The following SLF2 variants were observed in gnomAD, a reference collection of about 807,000 sequenced individuals.
SLF2 encodes SMC5-SMC6 complex localization factor protein 2.
SLF2 carries 68 observed loss-of-function variants against 124.3 expected under a neutral mutation model. That is an observed-to-expected ratio of 0.55 (90% CI 0.45 to 0.67). The LOEUF (loss-of-function observed/expected upper bound fraction) is 0.67, where lower values mean the gene tolerates loss of function less well. SLF2 is among the 30% of genes least tolerant of loss of function. The probability of loss-of-function intolerance (pLI) is 0.00; values close to 1 mark genes in which losing one functional copy is unlikely to be tolerated. For synonymous variants in SLF2, 480 were observed against 478.8 expected (o/e 1.00, Z -0.03); for missense variants, 1,246 against 1,373.7 (o/e 0.91, Z 1.47).
chr10:100,932,956 C>G (rs1191909314), intron 9 of SLF2, among the ~76,000 whole-genome samples: 1 of 152,164 alleles, frequency 6.6e-6, no homozygotes, highest in African/African-American at 2.4e-5. Flanking sequence ...TACGTGGACA[C>G]ATGCTCCAGA....
rs571910140 is a variant in SLF2, at chr10:100,931,076, C to G, written c.2434C>G (p.Arg812Gly). 1 of 1,609,560 alleles carries G rather than the reference C, an allele frequency of 6.2e-7. No homozygotes were observed. Among genetic ancestry groups the G allele is most frequent in the African/African-American group, 1.3e-5 (1 of 74,848 alleles). ...TGTCCCTGTGTTAAAGTGGCTGTTT[C>G]GGGTAAGAGGAATGTTTAGAGGGTT... ...CPVPVLKWLF[R>G]MMSVHTDCIV... Residue 812 changes from arginine (R) to glycine (G), a missense_variant and splice_region_variant, in exon 9 of 20, where the codon CGG becomes GGG. By Grantham distance (125) the Arg-to-Gly change is moderately radical. Coordinates refer to ENST00000238961, the MANE Select transcript of SLF2 (RefSeq NM_018121.4).
chr10:100,927,799 A>G (rs1481623102), intron 6 of SLF2, among the ~76,000 whole-genome samples: 3 of 152,034 alleles, frequency 2.0e-5, no homozygotes, highest in Non-Finnish European at 2.9e-5. Flanking sequence ...TCCTAACAGT[A>G]AAGTGGTATC....
At chr10:100,958,512 T>G (rs1198332498) in intron 18 of SLF2, among the ~76,000 whole-genome samples, 2 of 152,224 alleles carry the variant, frequency 1.3e-5, no homozygotes, top group Non-Finnish European at 2.9e-5. Flanking sequence ...GTTTTATGTT[T>G]CTTAAAGACA....
At chr10:100,918,053 T>G (rs1057385084) in intron 3 of SLF2, among the ~76,000 whole-genome samples, 1 of 152,208 alleles carries the variant, frequency 6.6e-6, no homozygotes, top group Admixed American at 6.5e-5. Context: ...ACCATTGCAC[T>G]CCAGCCTGGG....
At chr10:100,930,593 TCTC>T (rs1014732791) in intron 8 of SLF2, among the ~76,000 whole-genome samples, 15 of 152,192 alleles carry the variant, frequency 9.9e-5, no homozygotes, top group African/African-American at 3.4e-4. Context: ...CAACTAGTAA[TCTC>T]CACCACAGTG....
chr10:100,938,960 T>A (rs1209979849), intron 11 of SLF2, among the ~76,000 whole-genome samples: 1 of 152,198 alleles, frequency 6.6e-6, no homozygotes, highest in African/African-American at 2.4e-5. Context: ...TTTTCTTTTT[T>A]AAAAGACTTT....
At chr10:100,913,613 T>G (rs1225906799) in intron 1 of SLF2, 3 of 1,118,444 alleles carry the variant, frequency 2.7e-6, no homozygotes, top group Non-Finnish European at 3.3e-6. Flanking sequence ...ATCCTAGTGG[T>G]TTAGTAATAT....
At chr10:100,950,606 A>T (rs1850192835) in intron 16 of SLF2, 70 bp from the exon 17 acceptor site, 1 of 1,331,016 alleles carries the variant, frequency 7.5e-7, no homozygotes, top group South Asian at 1.2e-5. Flanking sequence ...CAATTTTCCT[A>T]ATGTGTAAAT....
chr10:100,947,946 C>A, intron 15 of SLF2, 99 bp downstream of exon 15: 1 of 795,828 alleles, frequency 1.3e-6, no homozygotes, highest in Admixed American at 2.1e-5. Flanking sequence ...GGGGTCAGAG[C>A]TCAGCTCTTA....
At chr10:100,951,998 C>A (rs962385691) in intron 17 of SLF2, among the ~76,000 whole-genome samples, 8 of 152,174 alleles carry the variant, frequency 5.3e-5, no homozygotes, top group African/African-American at 1.9e-4. Context: ...AATCCCAGCA[C>A]TTTGGGAGGG....
intron 9 of SLF2, among the ~76,000 whole-genome samples, chr10:100,937,116 A>C (rs539778144): frequency 6.6e-6 from 1 of 152,012 alleles, no homozygotes; most frequent in South Asian, 2.1e-4. Context: ...GCTCACTGCA[A>C]CCTCCACCTC....
At chr10:100,931,171 A>G (rs1849727609) in intron 9 of SLF2, 93 bp downstream of exon 9, 1 of 968,896 alleles carries the variant, frequency 1.0e-6, no homozygotes, top group Non-Finnish European at 1.6e-6. Context: ...ATTACTGCAG[A>G]AAAAATTAAT....
intron 8 of SLF2, among the ~76,000 whole-genome samples, chr10:100,930,437 A>G (rs1181967923): frequency 6.6e-6 from 1 of 152,228 alleles, no homozygotes; most frequent in African/African-American, 2.4e-5. Flanking sequence ...ACACTAAGTT[A>G]GTTGAATAGA....
chr10:100,920,831 C>G (rs1000671724), intron 4 of SLF2, among the ~76,000 whole-genome samples: 3 of 152,166 alleles, frequency 2.0e-5, no homozygotes, highest in Non-Finnish European at 2.9e-5. Context: ...AGCCTGTAAT[C>G]CCAGCTACTC....
rs1564773090 is a variant in SLF2 at position 100,925,970 on chromosome 10, T to TA, written c.1994dup (p.Tyr665Ter). The TA allele has an allele frequency of 6.2e-7, 1 of 1,604,676 alleles. No homozygotes were observed. Among genetic ancestry groups the TA allele is most frequent in the Non-Finnish European group, 8.5e-7 (1 of 1,174,934 alleles). The stretch of plus-strand genomic sequence containing the variant: ...TTAGGGACATGTTCATCCTGGAACT[T>TA]ACACAAATACCTTAGAACGTCTAGT... Reference protein sequence around the residue: ...DYTGHVHPGTYTNTLERLVKE... With the variant: ...DYTGHVHPGT Residue 665 changes from tyrosine (Y) to a stop codon, truncating the protein, a stop_gained and frameshift_variant, in exon 6 of 20, where the codon TAC (tyrosine) becomes TAAC (stop). Coordinates refer to ENST00000238961, the MANE Select transcript of SLF2 (RefSeq NM_018121.4). LOFTEE classifies it high-confidence loss of function.
intron 8 of SLF2, 57 bp from the exon 9 acceptor site, chr10:100,930,916 ATAG>A: frequency 8.1e-7 from 1 of 1,239,496 alleles, no homozygotes; most frequent in Non-Finnish European, 1.2e-6. Context: ...GTTGGTGGTG[ATAG>A]TAGAAGTATT....
rs1190637986 is a variant in SLF2, at chr10:100,959,453, A to G, written c.3443A>G (p.His1148Arg). ...GTGAAAGACTTGGTCGCCAGGATAC[A>G]TGGAAAATGGCAGGAAATAATCCAG... is the stretch of plus-strand genomic sequence containing the variant. ...TKVKDLVARI[H>R]GKWQEIIQNC... Residue 1148 changes from histidine to arginine, a missense_variant, in exon 19 of 20, where the codon CAT (histidine) becomes CGT (arginine). Physicochemically the swap from His to Arg is conservative, Grantham distance 29. Around this residue, in one of 3 missense-constraint regions of SLF2, gnomAD observed 535 missense variants for 632.8 expected, o/e 0.85. Coordinates refer to ENST00000238961, the MANE Select transcript of SLF2 (RefSeq NM_018121.4). 2 of 1,609,444 alleles carry G rather than the reference A, an allele frequency of 1.2e-6. No homozygotes were observed. The highest frequency in any genetic ancestry group is 1.7e-5 in the Admixed American group (1 of 58,434).
chr10:100,921,947 T>C (rs958741816), intron 4 of SLF2, among the ~76,000 whole-genome samples: 3 of 152,226 alleles, frequency 2.0e-5, no homozygotes, highest in East Asian at 1.9e-4. Flanking sequence ...ATGGGAGATA[T>C]CTGTAAAAGA....
At chr10:100,944,213 C>T (rs777303507) in intron 12 of SLF2, 85 bp downstream of exon 12, 77 of 859,124 alleles carry the variant, frequency 9.0e-5, no homozygotes, top group Admixed American at 1.4e-4. Flanking sequence ...AAAAAAGTCT[C>T]GGCCGGGCGC....
Sources: gnomAD v4.1 joint callset for allele counts (sites outside exome capture counted in the v4.1 genomes callset) on GRCh38, gnomAD v4.1.1 for gene constraint, gnomAD v4.1.1 regional missense constraint, MANE v1.5 for transcripts, NCBI Gene and HGNC (gene_info 2026-07-23, HGNC 2026-07-21) for gene names.